Variants in NSD2 observed in about 807,000 individuals in gnomAD.
NSD2 encodes the protein histone-lysine N-methyltransferase NSD2.
In NSD2, 12 loss-of-function variants were observed where a neutral mutation model predicts 139.0. The ratio of observed to expected loss-of-function variants is 0.09; its 90% CI spans 0.06 to 0.14. The LOEUF is 0.14. NSD2 is among the 10% of genes least tolerant of loss of function. The probability of loss-of-function intolerance (pLI) is 1.00; values close to 1 mark genes in which losing one functional copy is unlikely to be tolerated. For missense variants in NSD2, 1,155 were observed against 1,745.0 expected, an observed-to-expected ratio of 0.66 and a Z score of 6.02; for synonymous variants, 669 against 648.7, an observed-to-expected ratio of 1.03 and a Z score of -0.48.
chr4:1,878,473 T>G (rs750487141), intron 1 of NSD2, among the ~76,000 whole-genome samples: 13 of 151,834 alleles, frequency 8.6e-5, no homozygotes, highest in Non-Finnish European at 1.6e-4. Flanking sequence ...ATTTTCTCCA[T>G]AGCACATACC....
chr4:1,901,102 G>A lies in NSD2; in HGVS notation c.448G>A (p.Asp150Asn). 1 of 1,614,222 alleles carries A rather than the reference G, an allele frequency of 6.2e-7. No individual in the cohort carries two copies. Among genetic ancestry groups the A allele is most frequent in the East Asian group, 2.2e-5 (1 of 44,888 alleles). Residue 150 changes from aspartate to asparagine, a missense_variant, in exon 2 of 22, where the codon GAT (aspartate) becomes AAT (asparagine). Asp to Asn is a conservative substitution (Grantham distance 23, BLOSUM62 1). Coordinates refer to ENST00000508803, the MANE Select transcript of NSD2 (RefSeq NM_001042424.3). ...ESSICGDSAA[D>N]VSQSEENGQK... ...TTCCATTTGTGGTGACAGTGCTGCT[G>A]ATGTGTCTCAGTCAGAAGAAAATGG...
In NSD2 at chr4:1,942,291, TC is replaced by T; in HGVS notation, c.1881+2515del. ...AGTGTTTTGTAACTTCATTTTTTAT[TC>T]CTTTAGTAGAGCAAATTCTTATTTT... On this transcript the variant is annotated intron_variant, in intron 9 of 21. Transcript: ENST00000508803. The surrounding 1 kb of genome is among the most constrained non-coding windows in gnomAD (Gnocchi z 4.0). 6.3e-7 allele frequency: 1 copy of T among 1,598,364 alleles called. No individual in the cohort carries two copies. The highest frequency in any genetic ancestry group is 8.5e-7 in the Non-Finnish European group (1 of 1,174,634).
intron 1 of NSD2, among the ~76,000 whole-genome samples, chr4:1,890,251 A>G (rs1186675384): frequency 1.3e-5 from 2 of 152,078 alleles, no homozygotes; most frequent in African/African-American, 4.8e-5. Context: ...GCTATTACGA[A>G]TAATGCTGCT....
In NSD2 at chr4:1,938,458, C is replaced by T; in HGVS notation, c.1682C>T (p.Thr561Ile). ...TTTTTTTTTAAATAATAGAGAGACA[C>T]AATCACTGACAAAACGGCCAGAACA... is the stretch of plus-strand genomic sequence containing the variant. ...TDKHSLRKRD[T>I]ITDKTARTSS... The change falls in exon 8 of 22, where the codon ACA (threonine) becomes ATA (isoleucine). Residue 561 changes from threonine to isoleucine, a missense_variant. Thr to Ile is a moderately conservative substitution (Grantham distance 89). Around this residue, in one of 8 missense-constraint regions of NSD2, gnomAD observed 420 missense variants for 469.0 expected, o/e 0.90. Coordinates refer to ENST00000508803, the MANE Select transcript of NSD2 (RefSeq NM_001042424.3). 1.3e-6 allele frequency: 1 copy of T among 777,204 alleles called. No individual in the cohort carries two copies. The allele number at this position is 777,204 out of a possible 1,614,324, so 48.1% of individuals were successfully genotyped here. A position where few individuals can be genotyped will look rare whatever the true frequency, so the allele number is the denominator to read the frequency against.
intron 1 of NSD2, among the ~76,000 whole-genome samples, chr4:1,898,126 A>G (rs1452347258): frequency 6.6e-6 from 1 of 151,378 alleles, no homozygotes; most frequent in Admixed American, 6.6e-5. Flanking sequence ...TTGCTCTGTA[A>G]TCCAGGTTGG....
chr4:1,888,577 T>A (rs1715291892), intron 1 of NSD2, among the ~76,000 whole-genome samples: 1 of 151,796 alleles, frequency 6.6e-6, no homozygotes, highest in Non-Finnish European at 1.5e-5. Context: ...ATTGTTTTTA[T>A]TTTTTTTGAG....
chr4:1,970,536 C>T (rs1029511011), intron 18 of NSD2, among the ~76,000 whole-genome samples: 6 of 152,086 alleles, frequency 3.9e-5, no homozygotes, highest in African/African-American at 9.7e-5. Context: ...AGGAGTGATG[C>T]GTACTCAGAA....
chr4:1,923,910 G>A (rs186769497), intron 5 of NSD2, among the ~76,000 whole-genome samples: 32 of 152,264 alleles, frequency 2.1e-4, no homozygotes, highest in African/African-American at 7.5e-4. Flanking sequence ...TTTGAAAAGG[G>A]CCACATACCC....
chr4:1,888,105 T>C (rs1217727289), intron 1 of NSD2, among the ~76,000 whole-genome samples: 1 of 152,104 alleles, frequency 6.6e-6, no homozygotes, highest in Non-Finnish European at 1.5e-5. Context: ...AAAATATGTG[T>C]GAGGCAACGT....
intron 18 of NSD2, among the ~76,000 whole-genome samples, chr4:1,964,842 G>T (rs1225102605): frequency 6.6e-6 from 1 of 151,956 alleles, no homozygotes; most frequent in Non-Finnish European, 1.5e-5. Flanking sequence ...GACAGTGACT[G>T]CATGCTCAGG....
In NSD2 at chr4:1,955,921, A is replaced by G. The variant is rs1724764234; in HGVS notation, c.2676-62A>G. ...GTGTTCGCTTTACAGTACTTAAAGT[A>G]TTGAAATTATTATCGCTGTCTCTGA... On this transcript the variant is annotated intron_variant, in intron 14 of 21. Transcript: ENST00000508803. The surrounding 1 kb of genome is among the most constrained non-coding windows in gnomAD (Gnocchi z 4.7). 25 of 1,610,746 alleles carry G rather than the reference A, an allele frequency of 1.6e-5. No individual in the cohort carries two copies. The highest frequency in any genetic ancestry group is 2.1e-5 in the Non-Finnish European group (25 of 1,177,908).
At chr4:1,873,644 C>T (rs1171553960) in intron 1 of NSD2, among the ~76,000 whole-genome samples, 1 of 152,218 alleles carries the variant, frequency 6.6e-6, no homozygotes, top group East Asian at 1.9e-4. Context: ...TTCAGATTAT[C>T]TTCTCCTTCT....
At chr4:1,929,437 C>G (rs982624671) in intron 5 of NSD2, among the ~76,000 whole-genome samples, 1 of 152,138 alleles carries the variant, frequency 6.6e-6, no homozygotes, top group Non-Finnish European at 1.5e-5. Flanking sequence ...ACAGTGCCTT[C>G]ACTTGCCGAA....
chr4:1,935,860 C>CA (rs201785293), intron 7 of NSD2, among the ~76,000 whole-genome samples: 1,776 of 148,458 alleles, frequency 0.012, 15 homozygotes, highest in African/African-American at 0.024. Flanking sequence ...GATTCTGTCT[C>CA]AAAAAAAAAC....
chr4:1,942,648 A>G lies in NSD2; in HGVS notation c.1881+2870A>G. ...GTTCATATTCCAGTGGTCAATGTAGATTTCAAGTTGAAAGGCAGTCCCTTT... is the reference window on the plus strand; with the variant it reads ...GTTCATATTCCAGTGGTCAATGTAGGTTTCAAGTTGAAAGGCAGTCCCTTT... On this transcript the variant is annotated intron_variant, in intron 9 of 21. Transcript: ENST00000508803. The surrounding 1 kb of genome is among the most constrained non-coding windows in gnomAD (Gnocchi z 4.0). 1.7e-6 allele frequency: 2 copies of G among 1,185,490 alleles called. No individual in the cohort carries two copies. Among genetic ancestry groups the G allele is most frequent in the African/African-American group, 1.6e-5 (1 of 63,990 alleles). The allele number at this position is 1,185,490 out of a possible 1,614,324, so 73.4% of individuals were successfully genotyped here.
At chr4:1,949,545 G>A (rs534904878) in intron 9 of NSD2, among the ~76,000 whole-genome samples, 1 of 152,102 alleles carries the variant, frequency 6.6e-6, no homozygotes, top group South Asian at 2.1e-4. Flanking sequence ...GGTGGATCAC[G>A]AGGTCAGGAG....
intron 3 of NSD2, among the ~76,000 whole-genome samples, chr4:1,908,548 T>C (rs1718241847): frequency 6.6e-6 from 1 of 151,990 alleles, no homozygotes; most frequent in South Asian, 2.1e-4. Flanking sequence ...TGAAAGGAGA[T>C]TCAGATAATC....
At chr4:1,951,281 T>G (rs558188380) in intron 10 of NSD2, 78 bp downstream of exon 10, 37 of 1,582,120 alleles carry the variant, frequency 2.3e-5, no homozygotes, top group Non-Finnish European at 2.9e-5. Context: ...ATTTGTAGTG[T>G]CTTTTCCCTT....
At chr4:1,898,665 A>G (rs1253382317) in intron 1 of NSD2, among the ~76,000 whole-genome samples, 1 of 149,588 alleles carries the variant, frequency 6.7e-6, no homozygotes, top group African/African-American at 2.5e-5. Context: ...GTCTAAAAAA[A>G]AAAAAACAAA....
Sources: gnomAD v4.1 joint callset for allele counts (sites outside exome capture counted in the v4.1 genomes callset) on GRCh38, gnomAD v4.1.1 for gene constraint, gnomAD v4.1.1 regional missense constraint, Gnocchi (gnomAD v3.1) non-coding constraint, MANE v1.5 for transcripts, NCBI Gene and HGNC (gene_info 2026-07-23, HGNC 2026-07-21) for gene names.